Variants in PCNT observed in about 807,000 individuals in gnomAD.
The protein encoded by PCNT is pericentrin, also known as kendrin.
Under a neutral mutation model 380.4 loss-of-function variants are expected in PCNT, and 319 were observed. That is an observed-to-expected ratio of 0.84 (90% CI 0.77 to 0.92). The LOEUF (loss-of-function observed/expected upper bound fraction) is 0.92, where lower values mean the gene tolerates loss of function less well. Ranked by LOEUF, PCNT falls within the 40% of genes least tolerant of loss-of-function variation. The pLI, the probability that PCNT is intolerant of heterozygous loss-of-function variation, is 0.00. For synonymous variants in PCNT, 1,845 were observed against 1,735.2 expected, an observed-to-expected ratio of 1.06 and a Z score of -1.57; for missense variants, 4,400 against 4,255.3, an observed-to-expected ratio of 1.03 and a Z score of -0.95.
intron 3 of PCNT, among the ~76,000 whole-genome samples, chr21:46,343,292 G>T (rs1168561152): frequency 6.6e-6 from 1 of 152,098 alleles, no homozygotes; most frequent in Non-Finnish European, 1.5e-5. Context: ...TGTCATGAAT[G>T]GCTTTTATTG....
intron 38 of PCNT, among the ~76,000 whole-genome samples, chr21:46,435,350 C>G (rs1047546686): frequency 6.6e-6 from 1 of 151,878 alleles, no homozygotes; most frequent in Non-Finnish European, 1.5e-5. Context: ...CTCAGCCTCC[C>G]GAGTAGCTGG....
chr21:46,404,798 A>G (rs1289566540), intron 27 of PCNT, among the ~76,000 whole-genome samples: 2 of 152,102 alleles, frequency 1.3e-5, no homozygotes, highest in African/African-American at 4.8e-5. Context: ...AAAAATACAA[A>G]AATTAGCCAG....
intron 41 of PCNT, 41 bp downstream of exon 41, chr21:46,438,378 C>T: frequency 6.3e-7 from 1 of 1,585,310 alleles, no homozygotes; most frequent in East Asian, 2.2e-5. Flanking sequence ...TCAGCCTAAC[C>T]CACCATGGTC....
At chr21:46,421,895 C>T (rs2087266956) in intron 31 of PCNT, 75 bp from the exon 32 acceptor site, 20 of 1,548,316 alleles carry the variant, frequency 1.3e-5, no homozygotes, top group Non-Finnish European at 1.7e-5. Flanking sequence ...CACCCCTGTC[C>T]TGCCTCTGCA....
At chr21:46,360,821 G>T (rs1320373053) in intron 13 of PCNT, among the ~76,000 whole-genome samples, 1 of 152,106 alleles carries the variant, frequency 6.6e-6, no homozygotes, top group Non-Finnish European at 1.5e-5. Flanking sequence ...CCTGGCCATA[G>T]TTGGCAATTT....
Position 46,326,512 on chromosome 21 carries a change from T to C in PCNT, c.190T>C (p.Cys64Arg). Residue 64 changes from cysteine to arginine, a missense_variant, in exon 2 of 47, where the codon TGT (cysteine) becomes CGT (arginine). Physicochemically the swap from Cys to Arg is radical, Grantham distance 180 (BLOSUM62 -3). Coordinates refer to ENST00000359568, the MANE Select transcript of PCNT (RefSeq NM_006031.6). ...SPVTKEDSAL[C>R]GGGDICKSTS... ...GGTAACCAAGGAGGACAGCGCACTC[T>C]GTGGAGGAGGGGACATTTGCAAAAG... 1 of 1,614,174 alleles carries C rather than the reference T, an allele frequency of 6.2e-7. No homozygotes were observed. The highest frequency in any genetic ancestry group is 8.5e-7 in the Non-Finnish European group (1 of 1,180,024).
chr21:46,428,493 G>T lies in PCNT; in HGVS notation c.7593G>T (p.Thr2531=). The part of the protein sequence containing the change: ...IQALRAQLRM[T]HLQNQEKLQH... ...CGCTGCGTGCCCAGCTGCGCATGAC[G>T]CACCTGCAGAACCAGGAGAAGCTGC... The change falls in exon 35 of 47, where the codon ACG becomes ACT. Residue 2531 remains threonine, a synonymous_variant. Transcript: ENST00000359568. The T allele has an allele frequency of 6.2e-7, 1 of 1,612,142 alleles. No homozygotes were observed. The highest frequency in any genetic ancestry group is 8.5e-7 in the Non-Finnish European group (1 of 1,179,770).
At position 46,401,540 on chromosome 21, in the gene PCNT, T is replaced by A; in HGVS notation, c.4792-11T>A. The A allele has an allele frequency of 1.2e-6, 2 of 1,611,696 alleles. No individual in the cohort carries two copies. The highest frequency in any genetic ancestry group is 1.7e-6 in the Non-Finnish European group (2 of 1,177,900). On this transcript the variant is annotated splice_polypyrimidine_tract_variant and intron_variant, in intron 25 of 46. Transcript: ENST00000359568. ...TATTTGCCTAAAATAGAGTTCTTTTTTTTTTAATAGGATAAAGAGGTGTTA... is the reference window on the plus strand; with the variant it reads ...TATTTGCCTAAAATAGAGTTCTTTTATTTTTAATAGGATAAAGAGGTGTTA...
At position 46,334,432 on chromosome 21, in the gene PCNT, G is replaced by C. The variant is rs772293218; in HGVS notation, c.303G>C (p.Leu101Phe). 6.2e-7 allele frequency: 1 copy of C among 1,614,212 alleles called. No individual in the cohort carries two copies. The highest frequency in any genetic ancestry group is 8.5e-7 in the Non-Finnish European group (1 of 1,180,036). The change falls in exon 3 of 47, where the codon TTG becomes TTC. Residue 101 changes from leucine (L) to phenylalanine (F), a missense_variant. Transcript: ENST00000359568. ...EDCDGEKRED[L>F]EQLQQKQVND... is the part of the protein sequence containing the mutation. ...GTGATGGAGAGAAGAGAGAGGACTT[G>C]GAACAGCTGCAGCAGAAGCAAGTCA... is the stretch of plus-strand genomic sequence containing the variant.
chr21:46,367,220 G>T, intron 15 of PCNT, 81 bp downstream of exon 15: 1 of 1,219,840 alleles, frequency 8.2e-7, no homozygotes, highest in Non-Finnish European at 1.2e-6. Flanking sequence ...TCACATGTCT[G>T]CGTGCGTGCT....
chr21:46,428,981 C>T (rs761375717), intron 35 of PCNT, among the ~76,000 whole-genome samples: 4 of 152,188 alleles, frequency 2.6e-5, no homozygotes, highest in Admixed American at 6.5e-5. Flanking sequence ...GTTTCTTGCC[C>T]GTGTTCTCTC....
rs1183577610 is a variant in PCNT at position 46,365,920 on chromosome 21, A to AT, written c.2610-662dup. Among the ~76,000 whole-genome samples the AT allele has an allele frequency of 4.7e-5, 6 of 127,874 alleles. No individual in the cohort carries two copies. The East Asian group carries it at 1.5e-3, about 31-fold the overall frequency. 83.9% of individuals were successfully genotyped at this position (127,874 alleles called of 152,430 possible). A position where few individuals can be genotyped will look rare whatever the true frequency, so the allele number is the denominator to read the frequency against. On this transcript the variant is annotated intron_variant, in intron 14 of 46. Coordinates refer to ENST00000359568, the MANE Select transcript of PCNT (RefSeq NM_006031.6). ...GTTCTGTTCACTGCCATGGGGTTCT[A>AT]TTCATTCACTGCTGTGGGGTTCTAT...
chr21:46,443,854 TCCC>T lies in PCNT; in HGVS notation c.9750_9752del (p.Pro3251del), dbSNP rs761527377. ...GCAGTCTCCACCCAGAACCAGAGAG[TCCC>T]CCCCAACCCGGGATGTACCCTCTGG... is the stretch of plus-strand genomic sequence containing the variant. On this transcript the variant is annotated inframe_deletion, in exon 45 of 47. Coordinates refer to ENST00000359568, the MANE Select transcript of PCNT (RefSeq NM_006031.6). 3 of 1,609,584 alleles carry T rather than the reference TCCC, an allele frequency of 1.9e-6. No individual in the cohort carries two copies. In the South Asian group the frequency reaches 3.3e-5, roughly 18 times the overall value.
At chr21:46,432,267 G>T (rs1428758530) in intron 38 of PCNT, 52 bp downstream of exon 38, 2 of 1,533,816 alleles carry the variant, frequency 1.3e-6, no homozygotes, top group Non-Finnish European at 1.8e-6. Context: ...ATAAGCAATT[G>T]GAGTTAGGAT....
chr21:46,440,764 TC>T, intron 42 of PCNT, 90 bp from the exon 43 acceptor site: 1 of 835,724 alleles, frequency 1.2e-6, no homozygotes, highest in African/African-American at 1.7e-5. Flanking sequence ...ACAATCTGAC[TC>T]TTTGGAAAGA....
intron 14 of PCNT, among the ~76,000 whole-genome samples, chr21:46,364,861 A>T (rs1208118399): frequency 6.6e-6 from 1 of 152,236 alleles, no homozygotes; most frequent in Non-Finnish European, 1.5e-5. Context: ...CCAGGCTACG[A>T]CATGCAGTTC....
At chr21:46,324,919 C>T (rs2083318455) in intron 1 of PCNT, 3 of 985,324 alleles carry the variant, frequency 3.0e-6, no homozygotes, top group South Asian at 9.4e-5. Flanking sequence ...GAAAGGCCCC[C>T]GCGGCGCTCC....
At position 46,403,086 on chromosome 21, in the gene PCNT, T is replaced by C. The variant is rs1325536164; in HGVS notation, c.5115+603T>C. Reference sequence around the variant, plus strand: ...TCACAGATGCCCTTGAAAGACCTTGTGTAGAATCGTGTGTGTGGTGCCCAC... The same window carrying C: ...TCACAGATGCCCTTGAAAGACCTTGCGTAGAATCGTGTGTGTGGTGCCCAC... On this transcript the variant is annotated intron_variant, in intron 27 of 46. Coordinates refer to ENST00000359568, the MANE Select transcript of PCNT (RefSeq NM_006031.6). 8.5e-5 allele frequency among the ~76,000 whole-genome samples: 13 copies of C among 152,274 alleles called. 1 individual carries two copies. Among genetic ancestry groups the C allele is most frequent in the Admixed American group, 8.5e-4 (13 of 15,290 alleles).
At chr21:46,422,237 G>A (rs2147853455) in intron 32 of PCNT, 113 bp downstream of exon 32, 1 of 1,335,332 alleles carries the variant, frequency 7.5e-7, no homozygotes, top group South Asian at 1.2e-5. Context: ...CTTTTCCTGG[G>A]TGCCTCTGAG....
Sources: allele counts gnomAD v4.1 joint callset (sites outside exome capture counted in the v4.1 genomes callset), GRCh38; gene constraint gnomAD v4.1.1; transcripts MANE v1.5; gene names NCBI Gene and HGNC (gene_info 2026-07-23, HGNC 2026-07-21).